The following NDST4 variants were observed in gnomAD, a reference collection of about 807,000 sequenced individuals.
NDST4 encodes N-deacetylase and N-sulfotransferase 4, also known as N-heparan sulfate sulfotransferase 4.
In NDST4, 63 loss-of-function variants were observed where a neutral mutation model predicts 100.8. That is an observed-to-expected ratio of 0.62 (90% CI 0.51 to 0.77). NDST4 has a LOEUF of 0.77. Ranked by LOEUF, NDST4 falls within the 30% of genes least tolerant of loss-of-function variation. The probability of loss-of-function intolerance (pLI) is 0.00; values close to 1 mark genes in which losing one functional copy is unlikely to be tolerated. For synonymous variants in NDST4, 377 were observed against 361.8 expected (o/e 1.04, Z -0.48); for missense variants, 943 against 1,018.4 (o/e 0.93, Z 1.01).
intron 4 of NDST4, among the ~76,000 whole-genome samples, chr4:114,938,537 T>C (rs1344082866): frequency 6.6e-6 from 1 of 152,218 alleles, no homozygotes; most frequent in Non-Finnish European, 1.5e-5. Flanking sequence ...CAATTGAGGT[T>C]ATAAATGACA....
At chr4:114,850,085 G>C (rs763049317) in intron 8 of NDST4, among the ~76,000 whole-genome samples, 47 of 152,198 alleles carry the variant, frequency 3.1e-4, no homozygotes, top group Middle Eastern at 3.4e-3. Flanking sequence ...TTTCTTAAGG[G>C]GGGTGGAGAG....
chr4:114,940,968 G>A (rs1260804475), intron 4 of NDST4, among the ~76,000 whole-genome samples: 1 of 152,056 alleles, frequency 6.6e-6, no homozygotes, highest in Non-Finnish European at 1.5e-5. Flanking sequence ...TACAGGATGG[G>A]GTGTGGGGCA....
chr4:114,904,913 A>G (rs1221402339), intron 6 of NDST4, among the ~76,000 whole-genome samples: 3 of 151,936 alleles, frequency 2.0e-5, no homozygotes, highest in African/African-American at 7.2e-5. Flanking sequence ...TAAAGACTGG[A>G]AAAGACCTCA....
chr4:114,968,230 C>A (rs573578175), intron 4 of NDST4, among the ~76,000 whole-genome samples: 1 of 152,136 alleles, frequency 6.6e-6, no homozygotes, highest in Non-Finnish European at 1.5e-5. Context: ...ATTTGACTTG[C>A]GCTATGCTTC....
In NDST4 at chr4:114,848,244, A is replaced by G; in HGVS notation, c.1911T>C (p.Asn637=). The G allele has an allele frequency of 1.9e-6, 3 of 1,610,046 alleles. No homozygotes were observed. The highest frequency in any genetic ancestry group is 2.5e-6 in the Non-Finnish European group (3 of 1,178,754). ...PKTFEEVQFF[N]GNNYHKGIDW... is the part of the protein sequence containing the mutation. The stretch of plus-strand genomic sequence containing the variant: ...CTATTCCTTTGTGATAGTTGTTGCC[A>G]TTAAAGAACTGAACTTCCTCAAATG... Residue 637 remains asparagine (N), a synonymous_variant, in exon 9 of 14, where the codon AAT becomes AAC. Transcript: ENST00000264363.
chr4:115,010,198 C>A (rs369414005), intron 2 of NDST4, among the ~76,000 whole-genome samples: 1 of 127,212 alleles, frequency 7.9e-6, no homozygotes, highest in African/African-American at 3.0e-5. Flanking sequence ...ATATACCCAA[C>A]GGACTATAAA....
chr4:115,075,587 C>A (rs919229955), intron 2 of NDST4, among the ~76,000 whole-genome samples: 5 of 151,956 alleles, frequency 3.3e-5, no homozygotes, highest in Admixed American at 2.0e-4. Context: ...GAGTTTAAGA[C>A]CAGCCTGGCC....
At chr4:114,902,448 T>C (rs1304421322) in intron 6 of NDST4, among the ~76,000 whole-genome samples, 1 of 152,058 alleles carries the variant, frequency 6.6e-6, no homozygotes, top group African/African-American at 2.4e-5. Context: ...AAATCAAATG[T>C]AATTCTTATC....
At chr4:114,986,845 A>C (rs1427876044) in intron 2 of NDST4, among the ~76,000 whole-genome samples, 2 of 93,336 alleles carry the variant, frequency 2.1e-5, no homozygotes, top group African/African-American at 8.5e-5. Context: ...TTAATATACT[A>C]TTCCTATAAG....
intron 7 of NDST4, among the ~76,000 whole-genome samples, chr4:114,859,978 C>G (rs911593817): frequency 2.0e-5 from 3 of 152,168 alleles, no homozygotes; most frequent in African/African-American, 4.8e-5. Context: ...AATTAAAAGG[C>G]ACTCTTGACT....
intron 1 of NDST4, among the ~76,000 whole-genome samples, chr4:115,104,008 T>C (rs755363177): frequency 1.3e-5 from 2 of 152,154 alleles, no homozygotes; most frequent in Non-Finnish European, 2.9e-5. Context: ...AAAAGAATAC[T>C]AGACATCGTA....
chr4:114,937,983 C>T (rs775923675), intron 4 of NDST4, among the ~76,000 whole-genome samples: 10 of 151,952 alleles, frequency 6.6e-5, no homozygotes, highest in Admixed American at 3.3e-4. Flanking sequence ...TGAATTAATT[C>T]GATTTCAACA....
At chr4:114,833,378 CAAA>C (rs1462303292) in intron 12 of NDST4, among the ~76,000 whole-genome samples, 1 of 151,920 alleles carries the variant, frequency 6.6e-6, no homozygotes, top group Non-Finnish European at 1.5e-5. Flanking sequence ...GGAAAACTCA[CAAA>C]AAGAAGAATT....
intron 6 of NDST4, among the ~76,000 whole-genome samples, chr4:114,882,150 T>C (rs1196337893): frequency 1.3e-5 from 2 of 152,066 alleles, no homozygotes. Context: ...TTTTTTTTTT[T>C]TTTAGTTTTT....
chr4:115,005,942 G>T (rs1050008223), intron 2 of NDST4, among the ~76,000 whole-genome samples: 1 of 149,500 alleles, frequency 6.7e-6, no homozygotes, highest in Non-Finnish European at 1.5e-5. Flanking sequence ...CTGAGGCAGA[G>T]AATCGCTTGA....
intron 6 of NDST4, among the ~76,000 whole-genome samples, chr4:114,900,361 T>C (rs1164365895): frequency 6.6e-6 from 1 of 152,172 alleles, no homozygotes; most frequent in Non-Finnish European, 1.5e-5. Context: ...TTTCTTTTGA[T>C]TACTTTAAAT....
intron 2 of NDST4, among the ~76,000 whole-genome samples, chr4:115,030,951 A>G (rs1428885078): frequency 6.6e-6 from 1 of 152,142 alleles, no homozygotes; most frequent in Non-Finnish European, 1.5e-5. Flanking sequence ...AAACAACTGT[A>G]GCCAATATAA....
At chr4:114,855,580 C>T (rs529402479) in intron 7 of NDST4, among the ~76,000 whole-genome samples, 6 of 151,720 alleles carry the variant, frequency 4.0e-5, no homozygotes, top group African/African-American at 1.2e-4. Context: ...AATGAGTTCA[C>T]TGTAGAGGTA....
At chr4:114,971,865 T>C (rs776441387) in intron 3 of NDST4, among the ~76,000 whole-genome samples, 41 of 152,118 alleles carry the variant, frequency 2.7e-4, no homozygotes, top group South Asian at 2.5e-3. Context: ...GCCACTTAAT[T>C]AACTATGTGA....
Sources: gnomAD v4.1 joint callset for allele counts (sites outside exome capture counted in the v4.1 genomes callset) on GRCh38, gnomAD v4.1.1 for gene constraint, MANE v1.5 for transcripts, NCBI Gene and HGNC (gene_info 2026-07-23, HGNC 2026-07-21) for gene names.